Variants in DHX16 observed in about 807,000 individuals in gnomAD.
DHX16 encodes DEAH-box helicase 16.
DHX16 carries 81 observed loss-of-function variants against 131.2 expected under a neutral mutation model. The observed-to-expected ratio is 0.62, with a 90% confidence interval of 0.52 to 0.74. The LOEUF is 0.74. Ranked by LOEUF, DHX16 falls within the 30% of genes least tolerant of loss-of-function variation. The probability of loss-of-function intolerance (pLI) is 0.00; values close to 1 mark genes in which losing one functional copy is unlikely to be tolerated. For missense variants in DHX16, 980 were observed against 1,363.1 expected (o/e 0.72, Z 4.43); for synonymous variants, 440 against 520.2 (o/e 0.85, Z 2.10).
intron 12 of DHX16, among the ~76,000 whole-genome samples, chr6:30,658,485 G>A (rs1047050138): frequency 2.6e-5 from 4 of 151,416 alleles, no homozygotes; most frequent in African/African-American, 4.9e-5. Context: ...AGAGGTTGCA[G>A]TGAGCAGAGT....
At chr6:30,671,728 G>A (rs1452598607) in intron 1 of DHX16, among the ~76,000 whole-genome samples, 1 of 152,042 alleles carries the variant, frequency 6.6e-6, no homozygotes, top group East Asian at 1.9e-4. Flanking sequence ...CATCCTGAAT[G>A]GGGTTTTTTA....
chr6:30,668,831 C>T (rs1769270429), intron 4 of DHX16, among the ~76,000 whole-genome samples: 1 of 152,146 alleles, frequency 6.6e-6, no homozygotes, highest in South Asian at 2.1e-4. Flanking sequence ...TGGCCGGGCA[C>T]GTGGTGACTC....
In DHX16 at chr6:30,665,409, C is replaced by T. The variant is rs1316696862; in HGVS notation, c.921+70G>A. The T allele has an allele frequency of 8.8e-6, 14 of 1,584,334 alleles. No homozygotes were observed. The highest frequency in any genetic ancestry group is 2.7e-5 in the African/African-American group (2 of 74,250). Reference sequence around the variant, plus strand: ...GAAAGGGGATGACCCACGTGTTGCCCAATCCCCTGAAGCCTTCCCCACAAC... The same window carrying T: ...GAAAGGGGATGACCCACGTGTTGCCTAATCCCCTGAAGCCTTCCCCACAAC... On this transcript the variant is annotated intron_variant, in intron 5 of 19. Transcript: ENST00000376442. This position sits in a 1 kb window ranked among gnomAD's most constrained non-coding sequence, Gnocchi z 4.8.
At position 30,665,073 on chromosome 6, in the gene DHX16, C is replaced by G. The variant is rs776336422; in HGVS notation, c.1123G>C (p.Glu375Gln). Residue 375 changes from glutamate to glutamine, a missense_variant and splice_region_variant, in exon 6 of 20, where the codon GAG becomes CAG. Physicochemically the swap from Glu to Gln is conservative, Grantham distance 29. Coordinates refer to ENST00000376442, the MANE Select transcript of DHX16 (RefSeq NM_003587.5). This position sits in a 1 kb window ranked among gnomAD's most constrained non-coding sequence, Gnocchi z 4.8. ...FVRATQLQGD[E>Q]EPSAPPTSTQ... is the part of the protein sequence containing the mutation. ...AAGTCTCCCAGCTCCCCTCTTACCT[C>G]ATCACCCTGGAGCTGAGTGGCCCGG... 6.2e-7 allele frequency: 1 copy of G among 1,614,042 alleles called. No individual in the cohort carries two copies. Among genetic ancestry groups the G allele is most frequent in the Non-Finnish European group, 8.5e-7 (1 of 1,179,990 alleles).
chr6:30,662,116 G>A lies in DHX16; in HGVS notation c.1544+511C>T, dbSNP rs1250088419. On this transcript the variant is annotated intron_variant, in intron 9 of 19. Coordinates refer to ENST00000376442, the MANE Select transcript of DHX16 (RefSeq NM_003587.5). This position sits in a 1 kb window ranked among gnomAD's most constrained non-coding sequence, Gnocchi z 4.7. ...AGACCAAGCTACCCAAGACTTGTGT[G>A]GAGGGCCAAGACCCAGAGTCCAACC... 2 of 521,828 alleles carry A rather than the reference G, an allele frequency of 3.8e-6. No homozygotes were observed. Among genetic ancestry groups the A allele is most frequent in the Non-Finnish European group, 7.0e-6 (2 of 287,690 alleles). 32.3% of individuals were successfully genotyped at this position (521,828 alleles called of 1,614,324 possible). A position where few individuals can be genotyped will look rare whatever the true frequency, so the allele number is the denominator to read the frequency against.
Position 30,662,835 on chromosome 6 carries a change from G to T in DHX16, c.1428+76C>A. ...GAAGTGGGGCAGCACCAAGACTTCT[G>T]CTGTAGGGACCTGAGGGAACTGTAG... On this transcript the variant is annotated intron_variant, in intron 8 of 19. Transcript: ENST00000376442. This position sits in a 1 kb window ranked among gnomAD's most constrained non-coding sequence, Gnocchi z 4.7. The T allele has an allele frequency of 6.4e-7, 1 of 1,553,928 alleles. No individual in the cohort carries two copies. The highest frequency in any genetic ancestry group is 8.9e-7 in the Non-Finnish European group (1 of 1,128,284).
Position 30,653,334 on chromosome 6 carries a change from C to T in DHX16, c.3034G>A (p.Ala1012Thr), listed in dbSNP as rs757343846. Residue 1012 changes from alanine to threonine, a missense_variant, in exon 20 of 20, where the codon GCT becomes ACT. Around this residue, in one of 3 missense-constraint regions of DHX16, gnomAD observed 214 missense variants for 271.2 expected, o/e 0.79. Transcript: ENST00000376442. ...EIESSWLLEV[A>T]PHYYKAKELE... ...TCCTTGGCCTTATAATAATGGGGAG[C>T]CACCTCCAGAAGCCAACTGCTCTCA... 25 of 1,612,526 alleles carry T rather than the reference C, an allele frequency of 1.6e-5. No individual in the cohort carries two copies. The highest frequency in any genetic ancestry group is 4.2e-6 in the Non-Finnish European group (5 of 1,179,910).
At chr6:30,654,621 C>G in intron 19 of DHX16, 85 bp downstream of exon 19, 1 of 1,352,416 alleles carries the variant, frequency 7.4e-7, no homozygotes, top group South Asian at 1.5e-5. Flanking sequence ...CCAGTCCCAG[C>G]AACTTGAACC....
rs1207375104 is a variant in DHX16 at position 30,670,207 on chromosome 6, C to T, written c.666+203G>A. ...AGGACTTATGGGTAGCCTCCTTCCC[C>T]CTACAACTTAAGAAGGATCCTTCCC... On this transcript the variant is annotated intron_variant, in intron 4 of 19. Transcript: ENST00000376442. This position sits in a 1 kb window ranked among gnomAD's most constrained non-coding sequence, Gnocchi z 4.4. Among the ~76,000 whole-genome samples the T allele has an allele frequency of 1.1e-4, 16 of 152,068 alleles. No homozygotes were observed. Among genetic ancestry groups the T allele is most frequent in the Admixed American group, 1.1e-3 (16 of 15,236 alleles).
At chr6:30,672,142 CTAAAAATAAAAA>C (rs781293989) in intron 1 of DHX16, among the ~76,000 whole-genome samples, 1 of 151,372 alleles carries the variant, frequency 6.6e-6, no homozygotes, top group South Asian at 2.1e-4. Context: ...GGCCTCATCT[CTAAAAATAAAAA>C]TAAAAATAAA....
intron 7 of DHX16, among the ~76,000 whole-genome samples, chr6:30,663,343 C>T (rs564355994): frequency 1.6e-4 from 24 of 152,080 alleles, no homozygotes; most frequent in Non-Finnish European, 3.4e-4. Context: ...AATCCTAGTA[C>T]TTTGGGAGGC....
rs776063184 is a variant in DHX16 at position 30,659,551 on chromosome 6, A to G, written c.1928T>C (p.Leu643Pro). The G allele has an allele frequency of 6.2e-7, 1 of 1,612,462 alleles. No homozygotes were observed. Among genetic ancestry groups the G allele is most frequent in the Non-Finnish European group, 8.5e-7 (1 of 1,179,708 alleles). ...CAGATTGGCATAAATGGGCAGCACC[A>G]GGAGCTCCCGGATTTTGGAGCCCAG... ...RRLGSKIREL[L>P]VLPIYANLPS... The change falls in exon 12 of 20, where the codon CTG becomes CCG. Residue 643 changes from leucine (L) to proline (P), a missense_variant. Transcript: ENST00000376442.
rs527513362 is a variant in DHX16, at chr6:30,662,039, G to C, written c.1544+588C>G. On this transcript the variant is annotated intron_variant, in intron 9 of 19. Transcript: ENST00000376442. The surrounding 1 kb of genome is among the most constrained non-coding windows in gnomAD (Gnocchi z 4.7). ...GAATCCCTTTTCCCCCTCAACACAT[G>C]TTCAACCAACCCCTGCTTGGCCATT... 26 of 602,156 alleles carry C rather than the reference G, an allele frequency of 4.3e-5. No individual in the cohort carries two copies. Among genetic ancestry groups the C allele is most frequent in the African/African-American group, 3.5e-4 (19 of 54,198 alleles). 37.3% of individuals were successfully genotyped at this position (602,156 alleles called of 1,614,324 possible).
At chr6:30,660,279 C>G in intron 9 of DHX16, 37 bp from the exon 10 acceptor site, 1 of 1,479,068 alleles carries the variant, frequency 6.8e-7, no homozygotes. Flanking sequence ...GGGAAGAGCG[C>G]TAGGCAATGC....
Position 30,656,206 on chromosome 6 carries a change from G to C in DHX16, c.2490C>G (p.Ala830=). Residue 830 remains alanine (A), a synonymous_variant, in exon 16 of 20, where the codon GCC becomes GCG. Transcript: ENST00000376442. This position sits in a 1 kb window ranked among gnomAD's most constrained non-coding sequence, Gnocchi z 5.1. The part of the protein sequence containing the change: ...VDPMLSKMIL[A]SEKYSCSEEI... ...TGGAGGCGAGGGCTTACTTCTCAGA[G>C]GCTAAGATCATTTTGGACAGCATGG... is the stretch of plus-strand genomic sequence containing the variant. The C allele has an allele frequency of 6.2e-7, 1 of 1,613,092 alleles. No homozygotes were observed. Among genetic ancestry groups the C allele is most frequent in the South Asian group, 1.1e-5 (1 of 91,082 alleles).
At position 30,670,778 on chromosome 6, in the gene DHX16, G is replaced by A. The variant is rs1393967747; in HGVS notation, c.609+12C>T. ...ATCTTGGGGATTTACAGAACATGCT[G>A]CTCCTATTCACCTTCTTGTCTGACC... On this transcript the variant is annotated intron_variant, in intron 3 of 19. Transcript: ENST00000376442. This position sits in a 1 kb window ranked among gnomAD's most constrained non-coding sequence, Gnocchi z 4.4. 1 of 1,612,668 alleles carries A rather than the reference G, an allele frequency of 6.2e-7. No individual in the cohort carries two copies. Among genetic ancestry groups the A allele is most frequent in the South Asian group, 1.1e-5 (1 of 91,084 alleles).
Position 30,659,639 on chromosome 6 carries a change from G to A in DHX16, c.1855-15C>T, listed in dbSNP as rs770840373. The A allele has an allele frequency of 9.7e-5, 156 of 1,614,018 alleles. 2 individuals are homozygous for A. The South Asian group carries it at 1.6e-3, about 17-fold the overall frequency. ...TCAATCTCCTCCTGGATAGAGGGTA[G>A]GGAGAGCAGCAGGGGTCCCAGAGTC... On this transcript the variant is annotated splice_polypyrimidine_tract_variant and intron_variant, in intron 11 of 19. Coordinates refer to ENST00000376442, the MANE Select transcript of DHX16 (RefSeq NM_003587.5).
chr6:30,656,559 C>T lies in DHX16; in HGVS notation c.2311+38G>A. Reference sequence around the variant, plus strand: ...ACAGAGTCCCTTCAAAGGACAGTGACTCCAGCCCCTCCCTCCTCTCTCAGG... The same window carrying T: ...ACAGAGTCCCTTCAAAGGACAGTGATTCCAGCCCCTCCCTCCTCTCTCAGG... On this transcript the variant is annotated intron_variant, in intron 14 of 19. Transcript: ENST00000376442. The surrounding 1 kb of genome is among the most constrained non-coding windows in gnomAD (Gnocchi z 5.1). 6.2e-7 allele frequency: 1 copy of T among 1,614,142 alleles called. No homozygotes were observed. Among genetic ancestry groups the T allele is most frequent in the East Asian group, 2.2e-5 (1 of 44,886 alleles).
chr6:30,671,163 T>C lies in DHX16; in HGVS notation c.319A>G (p.Ser107Gly), dbSNP rs1769509932. The C allele has an allele frequency of 6.2e-7, 1 of 1,612,998 alleles. No individual in the cohort carries two copies. The highest frequency in any genetic ancestry group is 8.5e-7 in the Non-Finnish European group (1 of 1,180,052). Residue 107 changes from serine (S) to glycine (G), a missense_variant, in exon 2 of 20, where the codon AGT (serine) becomes GGT (glycine). Coordinates refer to ENST00000376442, the MANE Select transcript of DHX16 (RefSeq NM_003587.5). ...YRLLEDSEES[S>G]EETVSRAGSS... ...CCAGCCCTACTCACAGTCTCCTCAC[T>C]GCTCTCTTCACTGTCTTCCAGTAAC...
Sources: allele counts gnomAD v4.1 joint callset (sites outside exome capture counted in the v4.1 genomes callset), GRCh38; gene constraint gnomAD v4.1.1; regional missense constraint gnomAD v4.1.1; non-coding constraint Gnocchi (gnomAD v3.1); transcripts MANE v1.5; gene names NCBI Gene and HGNC (gene_info 2026-07-23, HGNC 2026-07-21).